VWA3B: variants seen among roughly 807,000 people sequenced by gnomAD.
The protein encoded by VWA3B is von Willebrand factor A domain-containing protein 3B.
A neutral mutation model predicts 158.3 loss-of-function variants in VWA3B; 138 were observed. The ratio of observed to expected loss-of-function variants is 0.87; its 90% CI spans 0.76 to 1.00. The LOEUF (loss-of-function observed/expected upper bound fraction) is 1.00. Among genes scored for constraint, VWA3B ranks in the 50% least tolerant of loss-of-function variants. The pLI, the probability that VWA3B is intolerant of heterozygous loss-of-function variation, is 0.00. For synonymous variants in VWA3B, 596 were observed against 587.3 expected, an observed-to-expected ratio of 1.01 and a Z score of -0.21; for missense variants, 1,555 against 1,565.1, an observed-to-expected ratio of 0.99 and a Z score of 0.11.
chr2:98,193,450 CT>C (rs1199712813), intron 11 of VWA3B, among the ~76,000 whole-genome samples: 1 of 152,202 alleles, frequency 6.6e-6, no homozygotes, highest in East Asian at 1.9e-4. Context: ...TGCCTCTGAG[CT>C]GTGTGAACTG....
rs535238178 is a variant in VWA3B, at chr2:98,227,321, A to G, written c.2020-881A>G. ...TTGCTATAAAGAGAATAAAATGCCT[A>G]GGAATACAGCTTACAAGGGACGTGA... On this transcript the variant is annotated intron_variant, in intron 14 of 27. Coordinates refer to ENST00000477737, the MANE Select transcript of VWA3B (RefSeq NM_144992.5). Among the ~76,000 whole-genome samples the G allele has an allele frequency of 4.0e-4, 61 of 152,332 alleles. No individual in the cohort carries two copies. The Middle Eastern group carries it at 0.017, about 42-fold the overall frequency.
At chr2:98,298,476 C>G (rs558351887) in intron 24 of VWA3B, among the ~76,000 whole-genome samples, 52 of 151,062 alleles carry the variant, frequency 3.4e-4, no homozygotes, top group African/African-American at 1.2e-3. Context: ...GCCATCCCAC[C>G]CCATCCCATC....
the VWA3B span, among the ~76,000 whole-genome samples, chr2:98,321,907 G>A: frequency 6.6e-6 from 1 of 152,146 alleles, no homozygotes. Context: ...ATTCCCACAT[G>A]TCATGGGAGG....
chr2:98,121,539 C>T, intron 5 of VWA3B, 81 bp downstream of exon 5: 2 of 1,533,340 alleles, frequency 1.3e-6, no homozygotes, highest in Non-Finnish European at 8.9e-7. Context: ...CTTTACACGG[C>T]CCTTCAACTG....
intron 12 of VWA3B, among the ~76,000 whole-genome samples, chr2:98,204,621 G>A (rs565630530): frequency 6.6e-6 from 1 of 152,238 alleles, no homozygotes; most frequent in Non-Finnish European, 1.5e-5. Flanking sequence ...GCTAATATTT[G>A]TTGAGAACTT....
At chr2:98,236,524 G>GTACAACAA in intron 18 of VWA3B, 47 bp downstream of exon 18, 1 of 1,613,894 alleles carries the variant, frequency 6.2e-7, no homozygotes, top group Non-Finnish European at 8.5e-7. Flanking sequence ...GCTTCTGTTG[G>GTACAACAA]TTAACCATCA....
chr2:98,318,057 A>G (rs1360886541), downstream of VWA3B, among the ~76,000 whole-genome samples: 1 of 152,214 alleles, frequency 6.6e-6, no homozygotes, highest in African/African-American at 2.4e-5. Flanking sequence ...CTATTATTAA[A>G]AGTAAAGAAA....
chr2:98,267,378 T>G (rs1293678010), intron 21 of VWA3B, among the ~76,000 whole-genome samples: 1 of 152,106 alleles, frequency 6.6e-6, no homozygotes, highest in African/African-American at 2.4e-5. Context: ...TGAACCAGCC[T>G]TGCATCTCAC....
At chr2:98,148,625 A>G (rs62154883) in intron 7 of VWA3B, among the ~76,000 whole-genome samples, 1,874 of 152,242 alleles carry the variant, frequency 0.012, 18 homozygotes, top group Non-Finnish European at 0.02. Context: ...CAAAAGCAAA[A>G]ATTGTTTTGG....
intron 7 of VWA3B, among the ~76,000 whole-genome samples, chr2:98,144,646 G>T (rs770589527): frequency 6.0e-5 from 9 of 150,948 alleles, no homozygotes; most frequent in Non-Finnish European, 8.8e-5. Flanking sequence ...GACTCACTGC[G>T]ACCTCCTGCT....
At chr2:98,284,300 C>T (rs1310516164) in intron 22 of VWA3B, among the ~76,000 whole-genome samples, 1 of 152,112 alleles carries the variant, frequency 6.6e-6, no homozygotes, top group Admixed American at 6.6e-5. Flanking sequence ...AGGTTATAAA[C>T]CGTATTTCCG....
intron 7 of VWA3B, among the ~76,000 whole-genome samples, chr2:98,151,979 G>A (rs1290979205): frequency 6.6e-6 from 1 of 152,228 alleles, no homozygotes; most frequent in Non-Finnish European, 1.5e-5. Flanking sequence ...AATGGTCATG[G>A]TAGTAACCAG....
chr2:98,089,115 A>G (rs1482383040), intron 1 of VWA3B, among the ~76,000 whole-genome samples: 1 of 152,068 alleles, frequency 6.6e-6, no homozygotes, highest in Admixed American at 6.6e-5. Context: ...GTTTCCTGAT[A>G]TTAGCCTTAT....
chr2:98,276,245 G>A (rs1688512855), intron 22 of VWA3B, among the ~76,000 whole-genome samples: 2 of 152,168 alleles, frequency 1.3e-5, no homozygotes, highest in Admixed American at 1.3e-4. Flanking sequence ...TTCCATGTGT[G>A]ATAGATTCTG....
chr2:98,284,838 G>A (rs560871957), intron 22 of VWA3B, among the ~76,000 whole-genome samples: 189 of 152,250 alleles, frequency 1.2e-3, no homozygotes, highest in Non-Finnish European at 2.1e-3. Flanking sequence ...AAAAAGAAAT[G>A]AGTAAAAATC....
chr2:98,162,060 A>G (rs1678639074), intron 7 of VWA3B, among the ~76,000 whole-genome samples: 1 of 152,096 alleles, frequency 6.6e-6, no homozygotes, highest in Non-Finnish European at 1.5e-5. Context: ...GTACCACAGC[A>G]TGGCTGGGAC....
At chr2:98,156,243 C>G (rs1044791416) in intron 7 of VWA3B, among the ~76,000 whole-genome samples, 1 of 152,196 alleles carries the variant, frequency 6.6e-6, no homozygotes, top group Non-Finnish European at 1.5e-5. Context: ...TGATGATTCT[C>G]CAAGTAGATT....
intron 11 of VWA3B, among the ~76,000 whole-genome samples, 169 bp downstream of exon 11, chr2:98,193,205 T>C (rs1681745901): frequency 6.6e-6 from 1 of 152,238 alleles, no homozygotes; most frequent in African/African-American, 2.4e-5. Flanking sequence ...ATAGACCCTT[T>C]CTCTGGTGGA....
intron 12 of VWA3B, chr2:98,206,707 C>G (rs1268506535): frequency 9.2e-6 from 3 of 325,816 alleles, no homozygotes; most frequent in Non-Finnish European, 1.8e-5. Flanking sequence ...TGGCTAGTAT[C>G]AAAGTTGTGG....
Sources: allele counts gnomAD v4.1 joint callset (sites outside exome capture counted in the v4.1 genomes callset), GRCh38; gene constraint gnomAD v4.1.1; transcripts MANE v1.5; gene names NCBI Gene and HGNC (gene_info 2026-07-23, HGNC 2026-07-21).